The following CHRD variants were observed in gnomAD, a reference collection of about 807,000 sequenced individuals.
CHRD encodes chordin.
CHRD carries 69 observed loss-of-function variants against 113.7 expected under a neutral mutation model. The observed-to-expected ratio is 0.61, with a 90% CI of 0.50 to 0.74. The LOEUF (loss-of-function observed/expected upper bound fraction) is 0.74, where lower values mean the gene tolerates loss of function less well. CHRD is among the 30% of genes least tolerant of loss of function. CHRD has a pLI of 0.00. For missense variants in CHRD, 1,194 were observed against 1,295.8 expected, an observed-to-expected ratio of 0.92 and a Z score of 1.21; for synonymous variants, 561 against 540.8, an observed-to-expected ratio of 1.04 and a Z score of -0.52.
rs1050916681 is a variant in CHRD, at chr3:184,381,835, A to C, written c.611+20A>C. 6.2e-7 allele frequency: 1 copy of C among 1,612,092 alleles called. No homozygotes were observed. Among genetic ancestry groups the C allele is most frequent in the South Asian group, 1.1e-5 (1 of 90,886 alleles). On this transcript the variant is annotated intron_variant, in intron 5 of 22. Transcript: ENST00000204604. This position sits in a 1 kb window ranked among gnomAD's most constrained non-coding sequence, Gnocchi z 4.7. ...CAGGCGGTGAGAAAGGGGAAGGAGC[A>C]AGGAGGGGTCAGCTGCCGGGGCCCG...
At chr3:184,389,559 C>T (rs903110429) in exon 23 of CHRD, 6 of 739,850 alleles carry the variant, frequency 8.1e-6, no homozygotes, top group African/African-American at 1.8e-5. Context: ...CCCACCCCCA[C>T]TACCTCTGGG....
At chr3:184,383,483 C>T (rs1715796023) in intron 11 of CHRD, 40 bp from the exon 12 acceptor site, 1 of 1,613,446 alleles carries the variant, frequency 6.2e-7, no homozygotes, top group Non-Finnish European at 8.5e-7. Context: ...CAGGCCTTTA[C>T]TGCCTCTCCA....
At position 184,386,832 on chromosome 3, in the gene CHRD, C is replaced by T. The variant is rs1026106750; in HGVS notation, c.2197-13C>T. ...CTGGACACTCCCGTCAATGCCTCTG[C>T]TCCTCTCTGCAGAGACGAACGGTGA... On this transcript the variant is annotated splice_polypyrimidine_tract_variant and intron_variant, in intron 16 of 22. Coordinates refer to ENST00000204604, the Ensembl canonical transcript of CHRD. 6 of 1,614,134 alleles carry T rather than the reference C, an allele frequency of 3.7e-6. No homozygotes were observed. The highest frequency in any genetic ancestry group is 5.1e-6 in the Non-Finnish European group (6 of 1,180,038).
chr3:184,382,077 GCTCTGCATTGC>G, intron 6 of CHRD, 57 bp downstream of exon 6: 1 of 1,599,724 alleles, frequency 6.3e-7, no homozygotes, highest in East Asian at 2.2e-5. Context: ...CCGAGAGCAT[GCTCTGCATTGC>G]CTCCCGTGGT....
chr3:184,389,789 T>C (rs910970935), exon 23 of CHRD: 6 of 201,494 alleles, frequency 3.0e-5, no homozygotes, highest in African/African-American at 1.4e-4. Context: ...AGAGTCATTA[T>C]TGGAGAGTTT....
In CHRD at chr3:184,380,296, T is replaced by TC; in HGVS notation, c.-19dup. On this transcript the variant is annotated 5_prime_UTR_variant, in exon 1 of 23. Coordinates refer to ENST00000204604, the Ensembl canonical transcript of CHRD. The surrounding 1 kb of genome is among the most constrained non-coding windows in gnomAD (Gnocchi z 6.3). ...CTCCCGCGCCCTCCTCCCTCCCTCC[T>TC]CCCCAGCTGTCCCGTTCGCGTCATG... is the stretch of plus-strand genomic sequence containing the variant. 9.7e-7 allele frequency: 1 copy of TC among 1,026,160 alleles called. No homozygotes were observed. Among genetic ancestry groups the TC allele is most frequent in the African/African-American group, 1.9e-5 (1 of 52,656 alleles). 63.6% of individuals were successfully genotyped at this position (1,026,160 alleles called of 1,614,324 possible).
At position 184,384,907 on chromosome 3, in the gene CHRD, G is replaced by T. The variant is rs1012524250; in HGVS notation, c.1598-111G>T. ...CTGCTCTCCAGGCCCTGGACCTATG[G>T]ACAGTGTCTTCCAGCTCGTGGAATG... is the stretch of plus-strand genomic sequence containing the variant. On this transcript the variant is annotated intron_variant, in intron 13 of 22. Coordinates refer to ENST00000204604, the Ensembl canonical transcript of CHRD. The surrounding 1 kb of genome is among the most constrained non-coding windows in gnomAD (Gnocchi z 4.4). The T allele has an allele frequency of 3.9e-6, 5 of 1,294,944 alleles. No individual in the cohort carries two copies. Among genetic ancestry groups the T allele is most frequent in the Non-Finnish European group, 5.4e-6 (5 of 917,970 alleles). 80.2% of individuals were successfully genotyped at this position (1,294,944 alleles called of 1,614,324 possible).
At position 184,381,946 on chromosome 3, in the gene CHRD, A is replaced by G; in HGVS notation, c.625A>G (p.Thr209Ala). 6.2e-7 allele frequency: 1 copy of G among 1,614,136 alleles called. No homozygotes were observed. Among genetic ancestry groups the G allele is most frequent in the Non-Finnish European group, 8.5e-7 (1 of 1,180,028 alleles). Residue 209 changes from threonine to alanine, a missense_variant, in exon 6 of 23, where the codon ACC (threonine) becomes GCC (alanine). By Grantham distance (58) the Thr-to-Ala change is moderately conservative. Transcript: ENST00000204604. The surrounding 1 kb of genome is among the most constrained non-coding windows in gnomAD (Gnocchi z 4.7). ...TCTCATTCCCAGGCTGGACCGCCCT[A>G]CCAGGATCCGCTTCTCAGACTCCAA...
chr3:184,382,878 G>A (rs1715671579), exon 9 of CHRD: 1 of 1,613,350 alleles, frequency 6.2e-7, no homozygotes, highest in African/African-American at 1.3e-5. Flanking sequence ...TTCCCTTGAG[G>A]CTCCAGATTC....
Position 184,388,249 on chromosome 3 carries a change from A to ATCCATCCATCCATCCATCCG in CHRD, c.2554+235_2554+236insGTCCATCCATCCATCCATCC, listed in dbSNP as rs753006471. Reference sequence around the variant, plus strand: ...GCTCCATCCATCCGTCCATCCATCCATCCATCCATCCATCCATCCATCCAT... The same window carrying ATCCATCCATCCATCCATCCG: ...GCTCCATCCATCCGTCCATCCATCCATCCATCCATCCATCCATCCGTCCATCCATCCATCCATCCATCCAT... On this transcript the variant is annotated intron_variant, in intron 20 of 22. Coordinates refer to ENST00000204604, the Ensembl canonical transcript of CHRD. This position sits in a 1 kb window ranked among gnomAD's most constrained non-coding sequence, Gnocchi z 6.1. 1.4e-4 allele frequency among the ~76,000 whole-genome samples: 18 copies of ATCCATCCATCCATCCATCCG among 130,494 alleles called. No individual in the cohort carries two copies. Among genetic ancestry groups the ATCCATCCATCCATCCATCCG allele is most frequent in the African/African-American group, 5.0e-4 (17 of 34,144 alleles). 85.6% of individuals were successfully genotyped at this position (130,494 alleles called of 152,430 possible).
exon 23 of CHRD, chr3:184,389,736 C>G (rs1716914752): frequency 3.2e-6 from 1 of 314,712 alleles, no homozygotes; most frequent in Non-Finnish European, 6.1e-6. Context: ...CACTCAGCAC[C>G]AAGGGCCCCC....
Position 184,386,095 on chromosome 3 carries a change from CA to C in CHRD, c.1872del (p.Gly625AlafsTer5). 6.2e-7 allele frequency: 1 copy of C among 1,614,218 alleles called. No homozygotes were observed. The highest frequency in any genetic ancestry group is 8.5e-7 in the Non-Finnish European group (1 of 1,180,038). The stretch of plus-strand genomic sequence containing the variant: ...GAGCCGGAACTGCTGCGGCACCTGG[CA>C]AAAGGCATGGCCTCCCTGATGATCA... On this transcript the variant is annotated frameshift_variant, in exon 15 of 23. Transcript: ENST00000204604. LOFTEE classifies it high-confidence loss of function.
rs1303236985 is a variant in CHRD, at chr3:184,384,199, G to T, written c.1441-338G>T. Among the ~76,000 whole-genome samples, 2 of 152,216 alleles carry T rather than the reference G, an allele frequency of 1.3e-5. No homozygotes were observed. Among genetic ancestry groups the T allele is most frequent in the East Asian group, 3.8e-4 (2 of 5,200 alleles). On this transcript the variant is annotated intron_variant, in intron 12 of 22. Transcript: ENST00000204604. This position sits in a 1 kb window ranked among gnomAD's most constrained non-coding sequence, Gnocchi z 4.4. ...TTGGACCTGGAGAACAGTGCCACAGGCCACATATTAGTAAATGTAATGGCA... is the reference window on the plus strand; with the variant it reads ...TTGGACCTGGAGAACAGTGCCACAGTCCACATATTAGTAAATGTAATGGCA...
At chr3:184,383,911 G>A (rs985685710) in intron 12 of CHRD, among the ~76,000 whole-genome samples, 1 of 151,764 alleles carries the variant, frequency 6.6e-6, no homozygotes, top group African/African-American at 2.4e-5. Flanking sequence ...CAAGTAGCTG[G>A]GACCACAGGT....
At chr3:184,382,893 C>T (rs1715674820) in exon 9 of CHRD, 2 of 1,613,894 alleles carry the variant, frequency 1.2e-6, no homozygotes, top group Admixed American at 1.7e-5. Flanking sequence ...AGATTCTACA[C>T]CAGGGGCAGC....
At chr3:184,383,629 C>T (rs1252418026) in exon 12 of CHRD, 1 of 1,611,228 alleles carries the variant, frequency 6.2e-7, no homozygotes, top group Non-Finnish European at 8.5e-7. Flanking sequence ...GGACTCCAGC[C>T]AGGAGGACAC....
Position 184,381,803 on chromosome 3 carries a change from T to C in CHRD, c.599T>C (p.Ile200Thr). Residue 200 changes from isoleucine to threonine, a missense_variant, in exon 5 of 23, where the codon ATC (isoleucine) becomes ACC (threonine). Ile to Thr is a moderately conservative substitution (Grantham distance 89, BLOSUM62 -1). Transcript: ENST00000204604. The surrounding 1 kb of genome is among the most constrained non-coding windows in gnomAD (Gnocchi z 4.7). Reference sequence around the variant, plus strand: ...CTGCGCTCTAGCCTCCGCTTCTCTATCTCCTACAGGCGGTGAGAAAGGGGA... The same window carrying C: ...CTGCGCTCTAGCCTCCGCTTCTCTACCTCCTACAGGCGGTGAGAAAGGGGA... 1 of 1,613,156 alleles carries C rather than the reference T, an allele frequency of 6.2e-7. No homozygotes were observed. Among genetic ancestry groups the C allele is most frequent in the Non-Finnish European group, 8.5e-7 (1 of 1,179,876 alleles).
In CHRD at chr3:184,382,588, G is replaced by C. The variant is rs549778814; in HGVS notation, c.842-46G>C. The C allele has an allele frequency of 4.3e-5, 69 of 1,609,764 alleles. 2 individuals carry two copies. In the South Asian group the frequency reaches 6.4e-4, roughly 15 times the overall value. ...TGAGTCTTCTCTATCACCCAGGAAAGGGGGGGAGGGTTTCTGACGGGCTCT... is the reference window on the plus strand; with the variant it reads ...TGAGTCTTCTCTATCACCCAGGAAACGGGGGGAGGGTTTCTGACGGGCTCT... On this transcript the variant is annotated intron_variant, in intron 7 of 22. Coordinates refer to ENST00000204604, the Ensembl canonical transcript of CHRD.
chr3:184,383,080 G>A (rs1361813076), exon 10 of CHRD: 3 of 1,611,250 alleles, frequency 1.9e-6, no homozygotes, highest in African/African-American at 1.3e-5. Flanking sequence ...CTGGTGCTGG[G>A]GGAGCTGCAG....
Sources: gnomAD v4.1 joint callset for allele counts (sites outside exome capture counted in the v4.1 genomes callset) on GRCh38, gnomAD v4.1.1 for gene constraint, Gnocchi (gnomAD v3.1) non-coding constraint, MANE v1.5 for transcripts, NCBI Gene and HGNC (gene_info 2026-07-23, HGNC 2026-07-21) for gene names.